The following CACNA1E variants were observed in gnomAD, a reference collection of about 807,000 sequenced individuals.
CACNA1E encodes the protein calcium voltage-gated channel subunit alpha1 E.
Under a neutral mutation model 259.2 loss-of-function variants are expected in CACNA1E, and 40 were observed. The observed-to-expected ratio is 0.15, with a 90% confidence interval of 0.12 to 0.20. The LOEUF is 0.20. Ranked by LOEUF, CACNA1E falls within the 10% of genes least tolerant of loss-of-function variation. The pLI, the probability that CACNA1E is intolerant of heterozygous loss-of-function variation, is 1.00. For synonymous variants in CACNA1E, 1,104 were observed against 1,138.5 expected, an observed-to-expected ratio of 0.97 and a Z score of 0.61; for missense variants, 1,874 against 3,040.1, an observed-to-expected ratio of 0.62 and a Z score of 9.02.
chr1:181,418,108 T>C (rs1658421859), intron 2 of CACNA1E, among the ~76,000 whole-genome samples: 1 of 152,202 alleles, frequency 6.6e-6, no homozygotes, highest in Non-Finnish European at 1.5e-5. Context: ...TTCCTTGACC[T>C]AGCAGCAACA....
intron 7 of CACNA1E, among the ~76,000 whole-genome samples, chr1:181,661,098 G>A (rs1379781352): frequency 1.3e-5 from 2 of 152,196 alleles, no homozygotes; most frequent in African/African-American, 4.8e-5. Context: ...TAGTTTGCGA[G>A]CACAAGGGAG....
Position 181,641,902 on chromosome 1 carries a change from C to T in CACNA1E, c.952-9436C>T, listed in dbSNP as rs560767662. Among the ~76,000 whole-genome samples the T allele has an allele frequency of 2.4e-4, 37 of 151,794 alleles. No homozygotes were observed. In the South Asian group the frequency reaches 6.9e-3, roughly 28 times the overall value. On this transcript the variant is annotated intron_variant, in intron 6 of 47. Transcript: ENST00000367573. ...CTAATTTTTGTATTTTTAGTAGAGA[C>T]GGGGTTTCACCATCTTGGCCAGGCT...
At chr1:181,673,457 G>A (rs1476888906) in intron 7 of CACNA1E, among the ~76,000 whole-genome samples, 1 of 152,138 alleles carries the variant, frequency 6.6e-6, no homozygotes, top group Admixed American at 6.5e-5. Context: ...GGGGATATGG[G>A]GTGGCATCCA....
At chr1:181,754,634 A>G (rs1027041650) in intron 27 of CACNA1E, among the ~76,000 whole-genome samples, 3 of 152,202 alleles carry the variant, frequency 2.0e-5, no homozygotes, top group Non-Finnish European at 4.4e-5. Flanking sequence ...CATTACTTCT[A>G]TTGGTCTTCA....
chr1:181,495,723 C>A (rs1028591739), intron 1 of CACNA1E, among the ~76,000 whole-genome samples: 2 of 152,176 alleles, frequency 1.3e-5, no homozygotes, highest in East Asian at 3.8e-4. Context: ...AGGTCACTTT[C>A]CCTGCTTTGC....
intron 7 of CACNA1E, among the ~76,000 whole-genome samples, chr1:181,687,825 TAAAC>T: frequency 6.6e-6 from 1 of 152,310 alleles, no homozygotes; most frequent in Middle Eastern, 3.4e-3. Flanking sequence ...TTTCAATTAA[TAAAC>T]AAAGGCTTAT....
At chr1:181,668,358 A>G (rs920055043) in intron 7 of CACNA1E, among the ~76,000 whole-genome samples, 2 of 152,178 alleles carry the variant, frequency 1.3e-5, no homozygotes, top group African/African-American at 2.4e-5. Context: ...ATTCCATGGT[A>G]TGGATATACC....
chr1:181,474,357 CTT>C (rs1662707630), intron 2 of CACNA1E, among the ~76,000 whole-genome samples: 1 of 152,314 alleles, frequency 6.6e-6, no homozygotes, highest in East Asian at 1.9e-4. Flanking sequence ...GAAATTCTCT[CTT>C]GATTGAGAAT....
chr1:181,776,276 C>T lies in CACNA1E; in HGVS notation c.5267+48C>T, dbSNP rs747157104. 1 of 1,602,914 alleles carries T rather than the reference C, an allele frequency of 6.2e-7. No individual in the cohort carries two copies. The highest frequency in any genetic ancestry group is 1.1e-5 in the South Asian group (1 of 90,820). ...CCAGCGGGGCCCAGAGCAAAGGTCT[C>T]TGGAGTTCCCAGGGAAGAGGCTGGA... On this transcript the variant is annotated intron_variant, in intron 38 of 47. Coordinates refer to ENST00000367573, the MANE Select transcript of CACNA1E (RefSeq NM_001205293.3). This position sits in a 1 kb window ranked among gnomAD's most constrained non-coding sequence, Gnocchi z 4.4.
intron 3 of CACNA1E, among the ~76,000 whole-genome samples, chr1:181,550,720 T>C (rs1458130557): frequency 6.6e-6 from 1 of 152,066 alleles, no homozygotes; most frequent in Non-Finnish European, 1.5e-5. Context: ...ATAAATGCTT[T>C]TTTTTTTTGG....
intron 7 of CACNA1E, among the ~76,000 whole-genome samples, chr1:181,660,839 A>C (rs1647589650): frequency 6.6e-6 from 1 of 152,192 alleles, no homozygotes; most frequent in South Asian, 2.1e-4. Context: ...CTGGGATTCT[A>C]ACACTGGAAT....
At chr1:181,559,637 T>C (rs1165441547) in intron 3 of CACNA1E, among the ~76,000 whole-genome samples, 1 of 152,326 alleles carries the variant, frequency 6.6e-6, no homozygotes, top group East Asian at 1.9e-4. Flanking sequence ...TACCGACAAG[T>C]ACATCTTGAA....
At position 181,799,677 on chromosome 1, in the gene CACNA1E, G is replaced by C. The variant is rs1662129120; in HGVS notation, c.*843G>C. 1 of 152,276 alleles carries C rather than the reference G, an allele frequency of 6.6e-6. No homozygotes were observed. Among genetic ancestry groups the C allele is most frequent in the East Asian group, 1.9e-4 (1 of 5,192 alleles). The allele number at this position is 152,276 out of a possible 1,614,324, so 9.4% of individuals were successfully genotyped here. A position where few individuals can be genotyped will look rare whatever the true frequency, so the allele number is the denominator to read the frequency against. On this transcript the variant is annotated 3_prime_UTR_variant, in exon 48 of 48. Transcript: ENST00000367573. ...GATAAAAGTATTTAACAACCGCTAT[G>C]GCATCAATGTAAGTGGAGTTTGGTC... is the stretch of plus-strand genomic sequence containing the variant.
intron 32 of CACNA1E, among the ~76,000 whole-genome samples, chr1:181,759,395 C>CTGTGTGTGTGTG (rs10677275): frequency 1.4e-4 from 20 of 146,992 alleles, no homozygotes; most frequent in African/African-American, 4.3e-4. Flanking sequence ...AGGGGTGTGT[C>CTGTGTGTGTGTG]TGTGTGTGTG....
intron 1 of CACNA1E, among the ~76,000 whole-genome samples, chr1:181,353,051 G>T (rs1230881462): frequency 1.3e-5 from 2 of 152,182 alleles, no homozygotes; most frequent in Non-Finnish European, 2.9e-5. Context: ...ACAGCTGCTT[G>T]TTATTGGCTG....
intron 3 of CACNA1E, among the ~76,000 whole-genome samples, chr1:181,573,030 G>A (rs1253551616): frequency 6.6e-6 from 1 of 152,168 alleles, no homozygotes; most frequent in Non-Finnish European, 1.5e-5. Context: ...CAGCGTAATG[G>A]CAGGGTGGGG....
chr1:181,763,507 G>C lies in CACNA1E; in HGVS notation c.4791G>C (p.Leu1597=). 10 of 1,590,372 alleles carry C rather than the reference G, an allele frequency of 6.3e-6. No homozygotes were observed. The highest frequency in any genetic ancestry group is 8.6e-6 in the Non-Finnish European group (10 of 1,161,422). ...LRQGYTIRIL[L]WTFVQSFKAL... is the part of the protein sequence containing the mutation. ...AGGGCTATACCATACGCATTTTGCT[G>C]TGGACCTTTGTGCAGTCCTTTAAGG... is the stretch of plus-strand genomic sequence containing the variant. The change falls in exon 34 of 48, where the codon CTG becomes CTC. Residue 1597 remains leucine, a synonymous_variant. Coordinates refer to ENST00000367573, the MANE Select transcript of CACNA1E (RefSeq NM_001205293.3).
chr1:181,687,866 A>G (rs1164530242), intron 7 of CACNA1E, among the ~76,000 whole-genome samples: 3 of 152,170 alleles, frequency 2.0e-5, no homozygotes, highest in African/African-American at 4.8e-5. Context: ...ATCACATAGA[A>G]TATGCCAGAG....
intron 17 of CACNA1E, 27 bp from the exon 18 acceptor site, chr1:181,726,038 G>T: frequency 1.3e-6 from 2 of 1,547,420 alleles, no homozygotes; most frequent in Non-Finnish European, 8.9e-7. Context: ...GGGATCCCAG[G>T]CAAAGCCATC....
Sources: allele counts gnomAD v4.1 joint callset (sites outside exome capture counted in the v4.1 genomes callset), GRCh38; gene constraint gnomAD v4.1.1; non-coding constraint Gnocchi (gnomAD v3.1); transcripts MANE v1.5; gene names NCBI Gene and HGNC (gene_info 2026-07-23, HGNC 2026-07-21).